USP34: variants seen among roughly 807,000 people sequenced by gnomAD.
USP34 encodes ubiquitin specific peptidase 34, also known as ubiquitin carboxyl-terminal hydrolase 34.
Under a neutral mutation model 460.3 loss-of-function variants are expected in USP34, and 70 were observed. The observed-to-expected ratio is 0.15, with a 90% confidence interval of 0.13 to 0.19. USP34 has a LOEUF of 0.19. USP34 is among the 10% of genes least tolerant of loss of function. The pLI is 1.00. For synonymous variants in USP34, 1,647 were observed against 1,405.3 expected, an observed-to-expected ratio of 1.17 and a Z score of -3.85; for missense variants, 3,985 against 4,236.2, an observed-to-expected ratio of 0.94 and a Z score of 1.65.
At position 61,229,463 on chromosome 2, in the gene USP34, A is replaced by AC. The variant is rs1172194864; in HGVS notation, c.7199+84_7199+85insG. The AC allele has an allele frequency of 9.8e-5, 65 of 661,260 alleles. No homozygotes were observed. The African/African-American group carries it at 1.1e-3, about 11-fold the overall frequency. 41.0% of individuals were successfully genotyped at this position (661,260 alleles called of 1,614,324 possible). ...ATGAAGAAACCCTATCTCTTAAAAA[A>AC]AAAAAAAAAAAACAAAAAAAAAAAA... On this transcript the variant is annotated intron_variant, in intron 59 of 79. Transcript: ENST00000398571.
At chr2:61,215,987 G>C (rs188340715) in intron 67 of USP34, among the ~76,000 whole-genome samples, 2 of 152,094 alleles carry the variant, frequency 1.3e-5, no homozygotes, top group East Asian at 3.9e-4. Context: ...TCTGAGTTTG[G>C]GTTCTTTTCA....
chr2:61,438,898 A>G (rs1694890092), intron 1 of USP34, among the ~76,000 whole-genome samples: 1 of 152,168 alleles, frequency 6.6e-6, no homozygotes, highest in African/African-American at 2.4e-5. Flanking sequence ...TGCAGATGAC[A>G]TGACCTTATA....
At chr2:61,416,225 A>T (rs563855001) in intron 2 of USP34, among the ~76,000 whole-genome samples, 61 of 152,392 alleles carry the variant, frequency 4.0e-4, no homozygotes, top group African/African-American at 1.4e-3. Context: ...GCAGAGCCTT[A>T]AAGAGTGAAC....
chr2:61,322,191 A>G (rs868004830), intron 21 of USP34, among the ~76,000 whole-genome samples: 2 of 152,112 alleles, frequency 1.3e-5, no homozygotes, highest in Admixed American at 6.5e-5. Flanking sequence ...GATCACGCCA[A>G]TGTACTCCAG....
intron 1 of USP34, among the ~76,000 whole-genome samples, chr2:61,430,236 G>T (rs949319772): frequency 1.4e-5 from 2 of 138,110 alleles, no homozygotes; most frequent in South Asian, 4.4e-4. Context: ...AAAAAGAAAA[G>T]AAAAAAAAAA....
intron 27 of USP34, 88 bp from the exon 28 acceptor site, chr2:61,301,542 C>T (rs1289826794): frequency 9.0e-7 from 1 of 1,113,564 alleles, no homozygotes; most frequent in African/African-American, 1.5e-5. Flanking sequence ...CAATTAAACA[C>T]ACTGTATGTT....
Position 61,280,267 on chromosome 2 carries a change from T to A in USP34, c.5233A>T (p.Ile1745Leu). Residue 1745 changes from isoleucine to leucine, a missense_variant, in exon 39 of 80, where the codon ATA becomes TTA. Ile to Leu is a conservative substitution (Grantham distance 5). Transcript: ENST00000398571. Reference protein sequence around the residue: ...FWLLCKLVDNIHIKDASQTTL... With the variant: ...FWLLCKLVDNLHIKDASQTTL... Reference sequence around the variant, plus strand: ...ACCTGACTAGCGTCCTTTATATGTATGTTGTCAACTAATTTGCATAACAAC... The same window carrying A: ...ACCTGACTAGCGTCCTTTATATGTAAGTTGTCAACTAATTTGCATAACAAC... 5.8e-6 allele frequency: 9 copies of A among 1,560,098 alleles called. No homozygotes were observed. The highest frequency in any genetic ancestry group is 7.8e-6 in the Non-Finnish European group (9 of 1,154,376).
intron 21 of USP34, among the ~76,000 whole-genome samples, chr2:61,323,496 C>T (rs1690991008): frequency 1.5e-5 from 2 of 131,048 alleles, no homozygotes; most frequent in African/African-American, 5.8e-5. Context: ...GCCTGGGCAA[C>T]AGAGCAAGAC....
chr2:61,235,420 G>A (rs1023107675), intron 57 of USP34, among the ~76,000 whole-genome samples: 19 of 150,862 alleles, frequency 1.3e-4, no homozygotes, highest in Admixed American at 9.3e-4. Context: ...CTGCCTCCCA[G>A]GTTCAAGCGA....
At chr2:61,332,642 C>A (rs971206653) in intron 19 of USP34, among the ~76,000 whole-genome samples, 2 of 151,918 alleles carry the variant, frequency 1.3e-5, no homozygotes, top group Admixed American at 1.3e-4. Context: ...TGAAATTCAG[C>A]CACTTAAAAA....
At chr2:61,296,288 A>C (rs1356265887) in intron 30 of USP34, among the ~76,000 whole-genome samples, 2 of 152,130 alleles carry the variant, frequency 1.3e-5, no homozygotes, top group African/African-American at 4.8e-5. Flanking sequence ...AAATAAATTA[A>C]AACAGTCTTT....
intron 1 of USP34, among the ~76,000 whole-genome samples, chr2:61,449,915 A>C (rs187810096): frequency 2.0e-5 from 3 of 152,148 alleles, no homozygotes; most frequent in Non-Finnish European, 2.9e-5. Context: ...AAAATACAAA[A>C]ATAAGCTGGG....
At chr2:61,195,245 C>T (rs1686764008) in intron 75 of USP34, among the ~76,000 whole-genome samples, 1 of 151,690 alleles carries the variant, frequency 6.6e-6, no homozygotes, top group Non-Finnish European at 1.5e-5. Flanking sequence ...GGGGTCTTGC[C>T]ATGTTGCCCA....
At chr2:61,257,942 T>C (rs905222805) in intron 44 of USP34, among the ~76,000 whole-genome samples, 10 of 152,156 alleles carry the variant, frequency 6.6e-5, no homozygotes, top group African/African-American at 2.4e-4. Flanking sequence ...ATATACAACC[T>C]TTACAGGCCG....
At chr2:61,396,708 T>C (rs886240833) in intron 3 of USP34, among the ~76,000 whole-genome samples, 1 of 152,116 alleles carries the variant, frequency 6.6e-6, no homozygotes, top group Non-Finnish European at 1.5e-5. Context: ...CAGGATGGTC[T>C]CGATCTCCTG....
At position 61,406,011 on chromosome 2, in the gene USP34, T is replaced by C. The variant is rs765743886; in HGVS notation, c.249A>G (p.Lys83=). Residue 83 remains lysine, a synonymous_variant, in exon 3 of 80, where the codon AAA becomes AAG. Coordinates refer to ENST00000398571, the MANE Select transcript of USP34 (RefSeq NM_014709.4). ...QVQVLRDQLC[K]HCTTINIDST... The stretch of plus-strand genomic sequence containing the variant: ...AATCTATGTTAATGGTAGTACAATG[T>C]TTACAAAGCTGGTCCCGGAGCACTT... 46 of 1,613,744 alleles carry C rather than the reference T, an allele frequency of 2.9e-5. No homozygotes were observed. Among genetic ancestry groups the C allele is most frequent in the Non-Finnish European group, 2.8e-5 (33 of 1,179,968 alleles).
chr2:61,319,418 C>G (rs978160519), intron 21 of USP34, 91 bp from the exon 22 acceptor site: 2 of 859,008 alleles, frequency 2.3e-6, no homozygotes, highest in African/African-American at 3.6e-5. Flanking sequence ...TAAGTCCTCA[C>G]TTAACACAGA....
Position 61,311,623 on chromosome 2 carries a change from T to A in USP34, c.3734A>T (p.Tyr1245Phe). ...ADLRAEVTHWYENLQKEQINQ... is the reference protein window; with the variant it reads ...ADLRAEVTHWFENLQKEQINQ... ...TATTTGTTCTTTCTGTAAATTTTCA[T>A]ACCAATGAGTTACTTCAGCCCTAAG... is the stretch of plus-strand genomic sequence containing the variant. Residue 1245 changes from tyrosine to phenylalanine, a missense_variant, in exon 27 of 80, where the codon TAT (tyrosine) becomes TTT (phenylalanine). Transcript: ENST00000398571. The A allele has an allele frequency of 6.2e-7, 1 of 1,613,792 alleles. No homozygotes were observed. The highest frequency in any genetic ancestry group is 8.5e-7 in the Non-Finnish European group (1 of 1,179,874).
In USP34 at chr2:61,188,594, C is replaced by T. The variant is rs781061578; in HGVS notation, c.10149G>A (p.Thr3383=). Residue 3383 remains threonine, a synonymous_variant, in exon 80 of 80, where the codon ACG becomes ACA. Transcript: ENST00000398571. ...KTETREVLTP[T]STSDNETRDS... is the part of the protein sequence containing the mutation. ...CTCTGGTCTCATTGTCAGAAGTGCT[C>T]GTTGGGGTCAGGACCTCCCTGGTTT... is the stretch of plus-strand genomic sequence containing the variant. 4.8e-5 allele frequency: 78 copies of T among 1,614,048 alleles called. No individual in the cohort carries two copies. The Admixed American group carries it at 7.8e-4, about 16-fold the overall frequency.
Sources: gnomAD v4.1 joint callset for allele counts (sites outside exome capture counted in the v4.1 genomes callset) on GRCh38, gnomAD v4.1.1 for gene constraint, MANE v1.5 for transcripts, NCBI Gene and HGNC (gene_info 2026-07-23, HGNC 2026-07-21) for gene names.